RNF126: variants seen among roughly 807,000 people sequenced by gnomAD.
The protein encoded by RNF126 is ring finger protein 126.
RNF126 carries 20 observed loss-of-function variants against 41.9 expected under a neutral mutation model. That is an observed-to-expected ratio of 0.48 (90% CI 0.34 to 0.69). The LOEUF (loss-of-function observed/expected upper bound fraction) is 0.69. Ranked by LOEUF, RNF126 falls within the 30% of genes least tolerant of loss-of-function variation. The pLI is 0.01. For missense variants in RNF126, 433 were observed against 460.6 expected (o/e 0.94, Z 0.55); for synonymous variants, 239 against 202.9 (o/e 1.18, Z -1.51).
chr19:661,140 C>A (rs115726162), intron 1 of RNF126, among the ~76,000 whole-genome samples: 4,947 of 152,340 alleles, frequency 0.032, 279 homozygotes, highest in African/African-American at 0.11. Context: ...CAGTGACAGT[C>A]GGAGGAGGTC....
chr19:661,079 C>T lies in RNF126; in HGVS notation c.75+1968G>A, dbSNP rs73918171. ...AATTCTGTGAGGGCAAAGACCACAG[C>T]GGCCTGTCACCACAGAGTTCCTTTC... On this transcript the variant is annotated intron_variant, in intron 1 of 8. Coordinates refer to ENST00000292363, the MANE Select transcript of RNF126 (RefSeq NM_194460.3). Among the ~76,000 whole-genome samples, 778 of 152,366 alleles carry T rather than the reference C, an allele frequency of 5.1e-3. 7 individuals carry two copies. The highest frequency in any genetic ancestry group is 0.016 in the African/African-American group (675 of 41,586).
In RNF126 at chr19:651,807, C is replaced by A. The variant is rs764968399; in HGVS notation, c.247G>T (p.Ala83Ser). The part of the protein sequence containing the change: ...FTLPQGYGQF[A>S]FGIFDDSFEI... ...AAGCTGTCATCGAAGATGCCGAAAG[C>A]AAACTGTCCGTAGCCCTGCGGCAGC... The change falls in exon 4 of 9, where the codon GCT becomes TCT. Residue 83 changes from alanine (A) to serine (S), a missense_variant. Coordinates refer to ENST00000292363, the MANE Select transcript of RNF126 (RefSeq NM_194460.3). 6.8e-6 allele frequency: 11 copies of A among 1,612,636 alleles called. No homozygotes were observed. Among genetic ancestry groups the A allele is most frequent in the Non-Finnish European group, 9.3e-6 (11 of 1,179,868 alleles).
rs536448565 is a variant in RNF126, at chr19:649,223, G to GGC, written c.577-249_577-248insGC. 1.0e-4 allele frequency: 26 copies of GGC among 258,442 alleles called. 4 individuals carry two copies. Among genetic ancestry groups the GGC allele is most frequent in the Admixed American group, 1.1e-4 (2 of 18,278 alleles). 16.0% of individuals were successfully genotyped at this position (258,442 alleles called of 1,614,324 possible). On this transcript the variant is annotated intron_variant, in intron 6 of 8. Coordinates refer to ENST00000292363, the MANE Select transcript of RNF126 (RefSeq NM_194460.3). ...TCCTGGGTCCCTGACAGCGGAATGG[G>GGC]GGGGGGGGCCGCGCTCCTGAGTGCC...
In RNF126 at chr19:648,360, CGGG is replaced by C; in HGVS notation, c.786+9_786+11del. The stretch of plus-strand genomic sequence containing the variant: ...CGGTCGGGGTGGGGGGGCGGGTGGG[CGGG>C]GCACTCACCTGCTCCAGCCAGGGCA... On this transcript the variant is annotated intron_variant, in intron 8 of 8. Coordinates refer to ENST00000292363, the MANE Select transcript of RNF126 (RefSeq NM_194460.3). 1.2e-4 allele frequency: 35 copies of C among 301,968 alleles called. No individual in the cohort carries two copies. Among genetic ancestry groups the C allele is most frequent in the Middle Eastern group, 1.0e-3 (1 of 972 alleles). The allele number at this position is 301,968 out of a possible 1,614,324, so 18.7% of individuals were successfully genotyped here.
At chr19:653,151 C>T (rs555639476) in intron 1 of RNF126, among the ~76,000 whole-genome samples, 35 of 149,826 alleles carry the variant, frequency 2.3e-4, no homozygotes, top group African/African-American at 7.6e-4. Context: ...GCGTCATCAG[C>T]GCCTTGGCTG....
chr19:651,461 C>T, intron 4 of RNF126, 150 bp downstream of exon 4: 1 of 712,076 alleles, frequency 1.4e-6, no homozygotes, highest in Non-Finnish European at 2.0e-6. Flanking sequence ...TGTGGGGAGT[C>T]ACAGGGGGCT....
Position 647,986 on chromosome 19 carries a change from G to A in RNF126, c.*142C>T. The A allele has an allele frequency of 9.3e-7, 1 of 1,074,330 alleles. No individual in the cohort carries two copies. The highest frequency in any genetic ancestry group is 2.6e-5 in the East Asian group (1 of 37,950). 66.5% of individuals were successfully genotyped at this position (1,074,330 alleles called of 1,614,324 possible). A position where few individuals can be genotyped will look rare whatever the true frequency, so the allele number is the denominator to read the frequency against. On this transcript the variant is annotated 3_prime_UTR_variant, in exon 9 of 9. Coordinates refer to ENST00000292363, the MANE Select transcript of RNF126 (RefSeq NM_194460.3). ...CAGGGGGCCGGTGGGCCGGGCCCGG[G>A]TCCTGCCCTGGAACAGGCGGGACCT... is the stretch of plus-strand genomic sequence containing the variant.
intron 1 of RNF126, among the ~76,000 whole-genome samples, chr19:662,271 G>A (rs2030837495): frequency 6.6e-6 from 1 of 152,232 alleles, no homozygotes. Context: ...CCTCCCCCAA[G>A]GTGACATCAG....
chr19:657,387 G>A (rs1160585036), intron 1 of RNF126, among the ~76,000 whole-genome samples: 1 of 152,206 alleles, frequency 6.6e-6, no homozygotes, highest in African/African-American at 2.4e-5. Context: ...CACCCGCACT[G>A]CCGGCTCACG....
At chr19:663,020 C>A in intron 1 of RNF126, 27 bp downstream of exon 1, 2 of 1,287,934 alleles carry the variant, frequency 1.6e-6, no homozygotes, top group South Asian at 1.8e-5. Context: ...CAGACCCTGC[C>A]GCCCGCCGCC....
intron 1 of RNF126, among the ~76,000 whole-genome samples, 160 bp from the exon 2 acceptor site, chr19:653,044 G>C (rs531667148): frequency 1.3e-5 from 2 of 152,176 alleles, no homozygotes; most frequent in Admixed American, 1.3e-4. Flanking sequence ...GAGGGCGGCC[G>C]AGGGGACCTG....
intron 4 of RNF126, among the ~76,000 whole-genome samples, chr19:651,157 A>G (rs1340884267): frequency 6.6e-6 from 1 of 150,590 alleles, no homozygotes; most frequent in East Asian, 2.0e-4. Context: ...GGGCCCAGCG[A>G]CGGCTCCCCC....
At chr19:657,073 A>G (rs781073156) in intron 1 of RNF126, among the ~76,000 whole-genome samples, 5 of 152,190 alleles carry the variant, frequency 3.3e-5, no homozygotes, top group African/African-American at 4.8e-5. Flanking sequence ...CACTGAGGGC[A>G]GGACGTAAGT....
intron 4 of RNF126, chr19:650,607 T>TC: frequency 4.6e-6 from 1 of 215,994 alleles, no homozygotes; most frequent in Admixed American, 5.9e-5. Flanking sequence ...TTTTTTTTTT[T>TC]TTGAGACAGA....
chr19:661,781 T>C (rs3787012), intron 1 of RNF126, among the ~76,000 whole-genome samples: 90,514 of 151,978 alleles, frequency 0.6, 27,798 homozygotes, highest in Middle Eastern at 0.7. Flanking sequence ...GGCGGCTACG[T>C]ACACAGCACA....
rs1325578766 is a variant in RNF126 at position 648,260 on chromosome 19, G to C, written c.804C>G (p.Val268=). The C allele has an allele frequency of 1.9e-6, 3 of 1,574,350 alleles. No individual in the cohort carries two copies. The highest frequency in any genetic ancestry group is 1.7e-6 in the Non-Finnish European group (2 of 1,160,380). ...TCTGTCCCGTGAGGCTTTTTCGGCA[G>C]ACGGGGCAGCTGTCGTGCTTTGTGG... ...PWLEQHDSCP[V]CRKSLTGQNT... Residue 268 remains valine, a synonymous_variant, in exon 9 of 9, where the codon GTC becomes GTG. Coordinates refer to ENST00000292363, the MANE Select transcript of RNF126 (RefSeq NM_194460.3).
At chr19:660,748 T>G (rs1045883074) in intron 1 of RNF126, among the ~76,000 whole-genome samples, 4 of 152,058 alleles carry the variant, frequency 2.6e-5, no homozygotes, top group Non-Finnish European at 5.9e-5. Flanking sequence ...TCCCACCACC[T>G]CAGCCCCCGC....
At chr19:658,813 C>T (rs1332838211) in intron 1 of RNF126, among the ~76,000 whole-genome samples, 1 of 152,186 alleles carries the variant, frequency 6.6e-6, no homozygotes, top group Non-Finnish European at 1.5e-5. Context: ...GCTTCAGGCA[C>T]CACCACTAGG....
intron 2 of RNF126, 200 bp downstream of exon 2, chr19:652,626 C>CT (rs1481695619): frequency 2.3e-5 from 14 of 618,076 alleles, no homozygotes; most frequent in Non-Finnish European, 4.0e-5. Context: ...GTTGCCGGCA[C>CT]TCCCCTCTGG....
Sources: gnomAD v4.1 joint callset for allele counts (sites outside exome capture counted in the v4.1 genomes callset) on GRCh38, gnomAD v4.1.1 for gene constraint, MANE v1.5 for transcripts, NCBI Gene and HGNC (gene_info 2026-07-23, HGNC 2026-07-21) for gene names.